Variants in VPS13B observed in about 807,000 individuals in gnomAD.
The protein encoded by VPS13B is vacuolar protein sorting 13 homolog B, also known as intermembrane lipid transfer protein VPS13B.
VPS13B carries 285 observed loss-of-function variants against 426.4 expected under a neutral mutation model. The observed-to-expected ratio is 0.67, with a 90% CI of 0.61 to 0.74. VPS13B has a LOEUF of 0.74. Among genes scored for constraint, VPS13B ranks in the 30% least tolerant of loss-of-function variants. The pLI is 0.00. For missense variants in VPS13B, 4,537 were observed against 4,782.6 expected (o/e 0.95, Z 1.51); for synonymous variants, 1,676 against 1,676.4 (o/e 1.00, Z 0.01).
chr8:99,877,241 A>G lies in VPS13B; in HGVS notation c.*1575A>G, dbSNP rs1366361842. ...ACTGGAAAGCAAGACTTAACGAACAATTCTGACTATGAAAAATGTCTCTTT... is the reference window on the plus strand; with the variant it reads ...ACTGGAAAGCAAGACTTAACGAACAGTTCTGACTATGAAAAATGTCTCTTT... On this transcript the variant is annotated 3_prime_UTR_variant, in exon 62 of 62. Coordinates refer to ENST00000357162, the MANE Select transcript of VPS13B (RefSeq NM_152564.5). 2 of 152,628 alleles carry G rather than the reference A, an allele frequency of 1.3e-5. No individual in the cohort carries two copies. Among genetic ancestry groups the G allele is most frequent in the East Asian group, 3.8e-4 (2 of 5,202 alleles). The allele number at this position is 152,628 out of a possible 1,614,324, so 9.5% of individuals were successfully genotyped here.
intron 12 of VPS13B, among the ~76,000 whole-genome samples, chr8:99,139,296 C>T (rs908039089): frequency 1.3e-5 from 2 of 152,036 alleles, no homozygotes; most frequent in African/African-American, 4.8e-5. Context: ...TTTGGTTTAT[C>T]CCCATTTTAC....
intron 21 of VPS13B, among the ~76,000 whole-genome samples, chr8:99,429,911 C>T (rs1158715345): frequency 1.3e-5 from 2 of 152,112 alleles, no homozygotes; most frequent in African/African-American, 4.8e-5. Context: ...CCTGTATGAC[C>T]TGGTCCCTAT....
intron 3 of VPS13B, among the ~76,000 whole-genome samples, chr8:99,064,912 A>T (rs945671259): frequency 5.3e-5 from 8 of 152,248 alleles, no homozygotes; most frequent in Non-Finnish European, 1.2e-4. Context: ...CTGATCTCTC[A>T]GCAGAAACTC....
At chr8:99,094,967 C>T (rs1315450258) in intron 3 of VPS13B, among the ~76,000 whole-genome samples, 1 of 152,142 alleles carries the variant, frequency 6.6e-6, no homozygotes, top group African/African-American at 2.4e-5. Flanking sequence ...ATTCTTTTAT[C>T]CTTAAAAAAG....
At chr8:99,095,216 C>T (rs1476434478) in intron 3 of VPS13B, among the ~76,000 whole-genome samples, 1 of 152,174 alleles carries the variant, frequency 6.6e-6, no homozygotes, top group African/African-American at 2.4e-5. Flanking sequence ...TGAAACAGGT[C>T]AACTAGAATG....
intron 19 of VPS13B, among the ~76,000 whole-genome samples, chr8:99,322,479 A>G (rs1302304797): frequency 1.3e-5 from 2 of 152,208 alleles, no homozygotes; most frequent in African/African-American, 2.4e-5. Context: ...AAAATATTCT[A>G]CAAATCTTTC....
At chr8:99,871,362 G>A in intron 60 of VPS13B, 86 bp from the exon 61 acceptor site, 4 of 1,603,162 alleles carry the variant, frequency 2.5e-6, no homozygotes, top group East Asian at 2.2e-5. Flanking sequence ...CCTTGTGGAG[G>A]TTGCCCCATT....
intron 2 of VPS13B, among the ~76,000 whole-genome samples, chr8:99,031,824 C>T (rs1307144190): frequency 1.3e-5 from 2 of 152,178 alleles, no homozygotes; most frequent in African/African-American, 4.8e-5. Flanking sequence ...ATTACAGTGT[C>T]CAAGGGATGT....
intron 14 of VPS13B, among the ~76,000 whole-genome samples, chr8:99,155,811 T>C (rs1811330895): frequency 6.6e-6 from 1 of 152,174 alleles, no homozygotes; most frequent in African/African-American, 2.4e-5. Context: ...TTCTTGCATT[T>C]TGTCATATTC....
intron 23 of VPS13B, among the ~76,000 whole-genome samples, chr8:99,453,803 C>G (rs1818318952): frequency 1.3e-5 from 2 of 152,134 alleles, no homozygotes; most frequent in African/African-American, 4.8e-5. Context: ...ATCCCCTGCT[C>G]CTAAACCTGC....
At chr8:99,208,914 T>G (rs1458054551) in intron 17 of VPS13B, among the ~76,000 whole-genome samples, 1 of 152,200 alleles carries the variant, frequency 6.6e-6, no homozygotes, top group Admixed American at 6.5e-5. Flanking sequence ...TTTACAAGGC[T>G]ACTGAGTAGT....
At chr8:99,015,930 A>G (rs922397615) in intron 2 of VPS13B, among the ~76,000 whole-genome samples, 2 of 152,176 alleles carry the variant, frequency 1.3e-5, no homozygotes, top group African/African-American at 4.8e-5. Flanking sequence ...CCCCACTCCT[A>G]AAAGAGGCGA....
In VPS13B at chr8:99,224,995, T is replaced by G. The variant is rs549539276; in HGVS notation, c.2515+31938T>G. Among the ~76,000 whole-genome samples the G allele has an allele frequency of 3.9e-5, 6 of 152,292 alleles. No homozygotes were observed. In the South Asian group the frequency reaches 1.2e-3, roughly 32 times the overall value. On this transcript the variant is annotated intron_variant, in intron 17 of 61. Transcript: ENST00000357162. ...CAGTTAGCTTTGATGCTGAGTCCGG[T>G]GTATATTTTGTAGTTCTAACTTCCT...
At chr8:99,387,024 G>C (rs181713196) in intron 20 of VPS13B, among the ~76,000 whole-genome samples, 40 of 152,180 alleles carry the variant, frequency 2.6e-4, no homozygotes, top group Admixed American at 2.0e-3. Flanking sequence ...CACTCATTCA[G>C]AGTTACAAAT....
intron 19 of VPS13B, among the ~76,000 whole-genome samples, chr8:99,359,660 T>A (rs1812385350): frequency 6.6e-6 from 1 of 152,236 alleles, no homozygotes. Flanking sequence ...AACAACAGTT[T>A]AAATGTAGAG....
intron 33 of VPS13B, among the ~76,000 whole-genome samples, chr8:99,582,946 C>T (rs999531698): frequency 6.6e-6 from 1 of 152,212 alleles, no homozygotes; most frequent in Non-Finnish European, 1.5e-5. Context: ...TGAGCCACTG[C>T]GCCTGGCCAC....
chr8:99,368,185 A>C (rs1485705570), intron 19 of VPS13B, among the ~76,000 whole-genome samples: 1 of 152,184 alleles, frequency 6.6e-6, no homozygotes, highest in African/African-American at 2.4e-5. Context: ...AAAGAGACAT[A>C]TGATAGCCTT....
At chr8:99,171,485 T>C (rs185092399) in intron 16 of VPS13B, among the ~76,000 whole-genome samples, 78 of 152,128 alleles carry the variant, frequency 5.1e-4, no homozygotes, top group Non-Finnish European at 8.4e-4. Flanking sequence ...AAAAAGTCCA[T>C]ATTTTTCAAA....
chr8:99,236,946 C>A (rs987730120), intron 17 of VPS13B, among the ~76,000 whole-genome samples: 1 of 152,230 alleles, frequency 6.6e-6, no homozygotes, highest in African/African-American at 2.4e-5. Flanking sequence ...TGAATTCCCA[C>A]GTGTCGTGGG....
Sources: gnomAD v4.1 joint callset for allele counts (sites outside exome capture counted in the v4.1 genomes callset) on GRCh38, gnomAD v4.1.1 for gene constraint, MANE v1.5 for transcripts, NCBI Gene and HGNC (gene_info 2026-07-23, HGNC 2026-07-21) for gene names.